Variants in UNC5D observed in about 807,000 individuals in gnomAD.
The protein encoded by UNC5D is unc-5 netrin receptor D.
In UNC5D, 39 loss-of-function variants were observed where a neutral mutation model predicts 105.4. The observed-to-expected ratio is 0.37, with a 90% CI of 0.29 to 0.48. The LOEUF (loss-of-function observed/expected upper bound fraction) is 0.48. UNC5D is among the 20% of genes least tolerant of loss of function. The pLI, the probability that UNC5D is intolerant of heterozygous loss-of-function variation, is 0.98. For missense variants in UNC5D, 991 were observed against 1,202.4 expected (o/e 0.82, Z 2.60); for synonymous variants, 452 against 450.4 (o/e 1.00, Z -0.04).
chr8:35,306,251 G>A (rs1261870179), intron 1 of UNC5D, among the ~76,000 whole-genome samples: 2 of 151,896 alleles, frequency 1.3e-5, no homozygotes, highest in Admixed American at 1.3e-4. Context: ...GTCCTCTGAT[G>A]AGATGGCTTC....
intron 7 of UNC5D, among the ~76,000 whole-genome samples, chr8:35,695,811 T>C (rs951415345): frequency 1.3e-5 from 2 of 151,998 alleles, no homozygotes; most frequent in Non-Finnish European, 2.9e-5. Context: ...CTTGGCTTAC[T>C]TCAACCTCTG....
chr8:35,405,055 T>G (rs2128953161), intron 1 of UNC5D, among the ~76,000 whole-genome samples: 1 of 152,316 alleles, frequency 6.6e-6, no homozygotes, highest in East Asian at 1.9e-4. Flanking sequence ...AAAAATATAT[T>G]TGGATGTATT....
intron 1 of UNC5D, among the ~76,000 whole-genome samples, chr8:35,248,085 AATATATAAAT>A (rs1458854823): frequency 2.7e-5 from 2 of 73,902 alleles, no homozygotes; most frequent in African/African-American, 5.7e-5. Context: ...TAAAAAATAT[AATATATAAAT>A]ATATATTATA....
chr8:35,467,826 A>C (rs956540362), intron 1 of UNC5D, among the ~76,000 whole-genome samples: 2 of 152,192 alleles, frequency 1.3e-5, no homozygotes, highest in African/African-American at 4.8e-5. Context: ...TCTGATAACG[A>C]AAAGCTTTCG....
At chr8:35,277,028 T>C (rs891207244) in intron 1 of UNC5D, among the ~76,000 whole-genome samples, 8 of 152,196 alleles carry the variant, frequency 5.3e-5, no homozygotes, top group Admixed American at 6.5e-5. Flanking sequence ...CTAATGTCTT[T>C]AGATGAATGC....
intron 1 of UNC5D, among the ~76,000 whole-genome samples, chr8:35,547,078 A>ACT (rs768509580): frequency 0.13 from 19,169 of 152,014 alleles, 1,463 homozygotes; most frequent in East Asian, 0.24. Flanking sequence ...TGGGAAAAAA[A>ACT]ATCTTATTTG....
chr8:35,622,188 A>C (rs1821400755), intron 4 of UNC5D, among the ~76,000 whole-genome samples: 1 of 152,066 alleles, frequency 6.6e-6, no homozygotes, highest in African/African-American at 2.4e-5. Flanking sequence ...CTAAAATTAC[A>C]AAAATTAGCT....
At chr8:35,472,354 T>C (rs1049610587) in intron 1 of UNC5D, among the ~76,000 whole-genome samples, 2 of 152,004 alleles carry the variant, frequency 1.3e-5, no homozygotes, top group African/African-American at 2.4e-5. Flanking sequence ...AGTGAGTGGG[T>C]TGACAGGATG....
At chr8:35,301,833 T>C (rs868787789) in intron 1 of UNC5D, among the ~76,000 whole-genome samples, 4 of 152,110 alleles carry the variant, frequency 2.6e-5, no homozygotes, top group Admixed American at 6.6e-5. Context: ...TTCACGGAAT[T>C]TGATTTAAAA....
At chr8:35,284,014 T>G (rs1806397617) in intron 1 of UNC5D, among the ~76,000 whole-genome samples, 1 of 152,190 alleles carries the variant, frequency 6.6e-6, no homozygotes, top group Non-Finnish European at 1.5e-5. Flanking sequence ...CTAGGAAGTC[T>G]TTTTTGGAAT....
In UNC5D at chr8:35,743,401, C is replaced by G. The variant is rs1011181732; in HGVS notation, c.1767-5126C>G. Among the ~76,000 whole-genome samples the G allele has an allele frequency of 1.1e-4, 17 of 151,996 alleles. No homozygotes were observed. In the East Asian group the frequency reaches 3.3e-3, roughly 29 times the overall value. On this transcript the variant is annotated intron_variant, in intron 11 of 16. Coordinates refer to ENST00000404895, the MANE Select transcript of UNC5D (RefSeq NM_080872.4). Reference sequence around the variant, plus strand: ...TCTCTCGCCTCAGCCTCCTGAGTAGCTGGGACTACAGGCATGCACCACCAC... The same window carrying G: ...TCTCTCGCCTCAGCCTCCTGAGTAGGTGGGACTACAGGCATGCACCACCAC...
intron 8 of UNC5D, among the ~76,000 whole-genome samples, chr8:35,712,658 A>C (rs1384345705): frequency 2.0e-5 from 3 of 152,180 alleles, no homozygotes; most frequent in African/African-American, 4.8e-5. Flanking sequence ...ATGTTGATCC[A>C]TATTCTTTAT....
chr8:35,419,351 A>T (rs1805735942), intron 1 of UNC5D, among the ~76,000 whole-genome samples: 1 of 152,138 alleles, frequency 6.6e-6, no homozygotes, highest in Admixed American at 6.5e-5. Flanking sequence ...TTGGCCAAGC[A>T]GGCTGCACTC....
At chr8:35,342,689 G>T (rs1200405367) in intron 1 of UNC5D, among the ~76,000 whole-genome samples, 2 of 151,994 alleles carry the variant, frequency 1.3e-5, no homozygotes, top group African/African-American at 2.4e-5. Context: ...CAGAGTCTTG[G>T]GCACAAACCT....
chr8:35,767,230 G>A (rs920898460), intron 15 of UNC5D, among the ~76,000 whole-genome samples, 164 bp downstream of exon 15: 4 of 152,184 alleles, frequency 2.6e-5, no homozygotes, highest in African/African-American at 2.4e-5. Flanking sequence ...GTCGCATGCC[G>A]AGGATTGAAC....
chr8:35,596,536 A>T (rs1218632758), intron 4 of UNC5D, among the ~76,000 whole-genome samples: 1 of 152,184 alleles, frequency 6.6e-6, no homozygotes, highest in Non-Finnish European at 1.5e-5. Context: ...CGTGCCCATG[A>T]CACAGCCTCG....
chr8:35,312,601 G>C (rs904816786), intron 1 of UNC5D, among the ~76,000 whole-genome samples: 1 of 152,072 alleles, frequency 6.6e-6, no homozygotes, highest in South Asian at 2.1e-4. Flanking sequence ...TGTCACACAA[G>C]GTAAAATTTT....
At chr8:35,601,637 G>A (rs985750261) in intron 4 of UNC5D, among the ~76,000 whole-genome samples, 1 of 152,068 alleles carries the variant, frequency 6.6e-6, no homozygotes, top group Non-Finnish European at 1.5e-5. Flanking sequence ...TGTGATTTTT[G>A]CGCATTGATT....
chr8:35,514,571 A>G (rs1812991704), intron 1 of UNC5D, among the ~76,000 whole-genome samples: 1 of 152,292 alleles, frequency 6.6e-6, no homozygotes, highest in East Asian at 1.9e-4. Context: ...TAGTCTTTAT[A>G]TCCTGACCCA....
Sources: allele counts gnomAD v4.1 joint callset (sites outside exome capture counted in the v4.1 genomes callset), GRCh38; gene constraint gnomAD v4.1.1; transcripts MANE v1.5; gene names NCBI Gene and HGNC (gene_info 2026-07-23, HGNC 2026-07-21).